GREM1: variants seen among roughly 807,000 people sequenced by gnomAD.
GREM1 encodes gremlin 1, DAN family BMP antagonist.
A neutral mutation model predicts 13.1 loss-of-function variants in GREM1; 6 were observed. That is an observed-to-expected ratio of 0.46 (90% CI 0.25 to 0.91). The LOEUF is 0.91. Ranked by LOEUF, GREM1 falls within the 40% of genes least tolerant of loss-of-function variation. The pLI is 0.18. For missense variants in GREM1, 185 were observed against 233.9 expected (o/e 0.79, Z 1.36); for synonymous variants, 98 against 93.7 (o/e 1.05, Z -0.27).
intron 1 of GREM1, among the ~76,000 whole-genome samples, chr15:32,728,284 CT>C (rs1170516603): frequency 6.6e-6 from 1 of 151,796 alleles, no homozygotes; most frequent in Non-Finnish European, 1.5e-5. Flanking sequence ...AGTATAAGTG[CT>C]TTTTTTTAAA....
intron 1 of GREM1, 152 bp downstream of exon 1, chr15:32,718,313 G>A: frequency 3.4e-6 from 2 of 588,708 alleles, no homozygotes; most frequent in Non-Finnish European, 3.0e-6. Context: ...AAGAACCATC[G>A]CGGGGTCCTT....
chr15:32,733,732 A>G lies in GREM1; in HGVS notation c.*2487A>G. 1 of 230,882 alleles carries G rather than the reference A, an allele frequency of 4.3e-6. No individual in the cohort carries two copies. Among genetic ancestry groups the G allele is most frequent in the East Asian group, 7.0e-5 (1 of 14,314 alleles). 14.3% of individuals were successfully genotyped at this position (230,882 alleles called of 1,614,324 possible). A position where few individuals can be genotyped will look rare whatever the true frequency, so the allele number is the denominator to read the frequency against. ...TGTAATGATATATTTTTTCATTATT[A>G]TAGTAGAATATTTTTATGGCAAGAT... On this transcript the variant is annotated 3_prime_UTR_variant, in exon 2 of 2. Transcript: ENST00000651154.
At chr15:32,723,333 A>C (rs1009034585) in intron 1 of GREM1, among the ~76,000 whole-genome samples, 6 of 152,152 alleles carry the variant, frequency 3.9e-5, no homozygotes, top group Non-Finnish European at 7.4e-5. Context: ...AGTGATTGAC[A>C]AGGATGTGGC....
rs141585953 is a variant in GREM1 at position 32,732,497 on chromosome 15, G to C, written c.*1252G>C. 6.9e-5 allele frequency: 17 copies of C among 245,458 alleles called. No individual in the cohort carries two copies. The highest frequency in any genetic ancestry group is 1.3e-3 in the Middle Eastern group (1 of 774). The allele number at this position is 245,458 out of a possible 1,614,324, so 15.2% of individuals were successfully genotyped here. ...CAGGAGATTGGGCTAAAGAGAAGAC[G>C]ACGAGAGTAAGGAAATAAAGGGAAT... On this transcript the variant is annotated 3_prime_UTR_variant, in exon 2 of 2. Transcript: ENST00000651154.
chr15:32,724,699 T>TA (rs1431338708), intron 1 of GREM1, among the ~76,000 whole-genome samples: 1 of 152,098 alleles, frequency 6.6e-6, no homozygotes, highest in Non-Finnish European at 1.5e-5. Context: ...GCAGGTTTGT[T>TA]ACATAGGTAT....
intron 1 of GREM1, among the ~76,000 whole-genome samples, chr15:32,728,420 A>G (rs2055552168): frequency 6.6e-6 from 1 of 152,218 alleles, no homozygotes; most frequent in Non-Finnish European, 1.5e-5. Context: ...GCTGAATGTC[A>G]CATTATCAGC....
chr15:32,720,351 C>A (rs1224173881), intron 1 of GREM1, among the ~76,000 whole-genome samples: 6 of 152,110 alleles, frequency 3.9e-5, no homozygotes, highest in African/African-American at 1.2e-4. Context: ...GCCGAAGATG[C>A]CTTCAGTCTG....
intron 1 of GREM1, among the ~76,000 whole-genome samples, chr15:32,723,020 C>T (rs1393371070): frequency 6.6e-6 from 1 of 152,068 alleles, no homozygotes; most frequent in Non-Finnish European, 1.5e-5. Flanking sequence ...ATGAGTAGGC[C>T]ATTTCATAAG....
chr15:32,737,370 A>G lies in GREM1; in HGVS notation c.*6125A>G, dbSNP rs2055708521. ...TTAAGTGTAAATGCAAAAAAATTCA[A>G]CAAAATGCTAGATAACTGGGTCCAA... On this transcript the variant is annotated 3_prime_UTR_variant, in exon 2 of 2. Coordinates refer to ENST00000651154, the MANE Select transcript of GREM1 (RefSeq NM_013372.7). The G allele has an allele frequency of 6.6e-6, 1 of 152,222 alleles. No homozygotes were observed. Among genetic ancestry groups the G allele is most frequent in the Admixed American group, 6.5e-5 (1 of 15,286 alleles). 9.4% of individuals were successfully genotyped at this position (152,222 alleles called of 1,614,324 possible). A position where few individuals can be genotyped will look rare whatever the true frequency, so the allele number is the denominator to read the frequency against.
rs78005246 is a variant in GREM1, at chr15:32,730,999, C to T, written c.309C>T (p.Ile103=). ...AAACCCAGCCGCTTAAGCAGACCAT[C>T]CACGAGGAAGGCTGCAACAGTCGCA... The part of the protein sequence containing the change: ...WCKTQPLKQT[I]HEEGCNSRTI... Residue 103 remains isoleucine, a synonymous_variant, in exon 2 of 2, where the codon ATC becomes ATT. Coordinates refer to ENST00000651154, the MANE Select transcript of GREM1 (RefSeq NM_013372.7). 9.8e-5 allele frequency: 158 copies of T among 1,614,084 alleles called. No individual in the cohort carries two copies. The highest frequency in any genetic ancestry group is 1.3e-5 in the Non-Finnish European group (15 of 1,180,048).
chr15:32,724,997 A>G (rs1197382663), intron 1 of GREM1, among the ~76,000 whole-genome samples: 1 of 152,032 alleles, frequency 6.6e-6, no homozygotes, highest in Non-Finnish European at 1.5e-5. Flanking sequence ...ATAGTATTCC[A>G]TGGTGTATAT....
chr15:32,741,702 A>C lies in GREM1; in HGVS notation c.*10457A>C, dbSNP rs2055762834. The C allele has an allele frequency of 6.6e-6, 1 of 152,164 alleles. No homozygotes were observed. The highest frequency in any genetic ancestry group is 2.4e-5 in the African/African-American group (1 of 41,444). The allele number at this position is 152,164 out of a possible 1,614,324, so 9.4% of individuals were successfully genotyped here. ...AATTGCTTTAGCTAGGACTTCCAGC[A>C]CTAAATTGAATAGAAGTGATGAGAG... On this transcript the variant is annotated 3_prime_UTR_variant, in exon 2 of 2. Transcript: ENST00000651154.
chr15:32,734,168 G>A lies in GREM1; in HGVS notation c.*2923G>A, dbSNP rs1484906011. The A allele has an allele frequency of 8.3e-6, 2 of 241,002 alleles. No homozygotes were observed. Among genetic ancestry groups the A allele is most frequent in the African/African-American group, 4.4e-5 (2 of 44,972 alleles). The allele number at this position is 241,002 out of a possible 1,614,324, so 14.9% of individuals were successfully genotyped here. A position where few individuals can be genotyped will look rare whatever the true frequency, so the allele number is the denominator to read the frequency against. On this transcript the variant is annotated 3_prime_UTR_variant, in exon 2 of 2. Transcript: ENST00000651154. ...GACCCAGCTGAACATGTCTTCCTGA[G>A]TCAGTGCCTGAATCTTTATTTTTTA...
rs567654285 is a variant in GREM1 at position 32,739,963 on chromosome 15, C to G, written c.*8718C>G. The G allele has an allele frequency of 6.6e-6, 1 of 152,248 alleles. No homozygotes were observed. 9.4% of individuals were successfully genotyped at this position (152,248 alleles called of 1,614,324 possible). On this transcript the variant is annotated 3_prime_UTR_variant, in exon 2 of 2. Transcript: ENST00000651154. Reference sequence around the variant, plus strand: ...TACTATCTAGCTACCTGGGGAAGGACAGAGACAGAGGTTTAGACCAGTAGA... The same window carrying G: ...TACTATCTAGCTACCTGGGGAAGGAGAGAGACAGAGGTTTAGACCAGTAGA...
chr15:32,721,307 A>AAAT (rs1314602170), intron 1 of GREM1, among the ~76,000 whole-genome samples: 1 of 152,226 alleles, frequency 6.6e-6, no homozygotes, highest in Non-Finnish European at 1.5e-5. Flanking sequence ...TTGTTATGAA[A>AAAT]AATAAATGAT....
chr15:32,721,897 T>C (rs2055415699), intron 1 of GREM1, among the ~76,000 whole-genome samples: 1 of 152,242 alleles, frequency 6.6e-6, no homozygotes. Flanking sequence ...CCTCAAGAAT[T>C]GTACATAGTC....
rs1419298276 is a variant in GREM1 at position 32,734,030 on chromosome 15, C to G, written c.*2785C>G. 8.2e-6 allele frequency: 2 copies of G among 242,456 alleles called. No homozygotes were observed. Among genetic ancestry groups the G allele is most frequent in the African/African-American group, 4.4e-5 (2 of 45,090 alleles). The allele number at this position is 242,456 out of a possible 1,614,324, so 15.0% of individuals were successfully genotyped here. ...TCAAATCCTTTGGTCACTGTGATTT[C>G]AAGCATGTTTTCTTTTTCTCCTTTA... On this transcript the variant is annotated 3_prime_UTR_variant, in exon 2 of 2. Coordinates refer to ENST00000651154, the MANE Select transcript of GREM1 (RefSeq NM_013372.7).
chr15:32,726,742 A>G (rs1362504536), intron 1 of GREM1, among the ~76,000 whole-genome samples: 1 of 151,682 alleles, frequency 6.6e-6, no homozygotes, highest in Non-Finnish European at 1.5e-5. Context: ...GATTAATGAA[A>G]TAGACTGCTA....
In GREM1 at chr15:32,732,424, C is replaced by A. The variant is rs898315779; in HGVS notation, c.*1179C>A. On this transcript the variant is annotated 3_prime_UTR_variant, in exon 2 of 2. Transcript: ENST00000651154. ...AAGATGAGAGAGTTTAGGGACTACT[C>A]TGTTTTAGCAAGAGATATTTTGGGG... is the stretch of plus-strand genomic sequence containing the variant. 4 of 245,048 alleles carry A rather than the reference C, an allele frequency of 1.6e-5. No individual in the cohort carries two copies. Among genetic ancestry groups the A allele is most frequent in the Non-Finnish European group, 3.4e-5 (4 of 116,246 alleles). 15.2% of individuals were successfully genotyped at this position (245,048 alleles called of 1,614,324 possible).
Sources: allele counts gnomAD v4.1 joint callset (sites outside exome capture counted in the v4.1 genomes callset), GRCh38; gene constraint gnomAD v4.1.1; transcripts MANE v1.5; gene names NCBI Gene and HGNC (gene_info 2026-07-23, HGNC 2026-07-21).